The following CNTNAP4 variants were observed in gnomAD, a reference collection of about 807,000 sequenced individuals.
CNTNAP4 encodes the protein contactin-associated protein-like 4.
In CNTNAP4, 98 loss-of-function variants were observed where a neutral mutation model predicts 148.4. That is an observed-to-expected ratio of 0.66 (90% CI 0.56 to 0.78). The LOEUF (loss-of-function observed/expected upper bound fraction) is 0.78, where lower values mean the gene tolerates loss of function less well. Ranked by LOEUF, CNTNAP4 falls within the 30% of genes least tolerant of loss-of-function variation. The probability of loss-of-function intolerance (pLI) is 0.00; values close to 1 mark genes in which losing one functional copy is unlikely to be tolerated. For synonymous variants in CNTNAP4, 730 were observed against 565.1 expected (o/e 1.29, Z -4.14); for missense variants, 1,935 against 1,565.6 (o/e 1.24, Z -3.98).
chr16:76,518,415 A>C (rs934335539), intron 15 of CNTNAP4, among the ~76,000 whole-genome samples: 9 of 152,180 alleles, frequency 5.9e-5, no homozygotes, highest in Non-Finnish European at 1.2e-4. Flanking sequence ...GGCATGAGCC[A>C]CCGTGCCTGG....
chr16:76,375,710 C>T (rs1029987139), intron 3 of CNTNAP4, among the ~76,000 whole-genome samples: 2 of 152,272 alleles, frequency 1.3e-5, no homozygotes, highest in South Asian at 2.1e-4. Flanking sequence ...ATCATGAACA[C>T]ATTGTCTCAT....
intron 17 of CNTNAP4, among the ~76,000 whole-genome samples, chr16:76,528,959 A>G (rs1399959677): frequency 6.6e-6 from 1 of 152,180 alleles, no homozygotes; most frequent in Non-Finnish European, 1.5e-5. Flanking sequence ...ACTAATCTAA[A>G]CTGTAGGATG....
intron 1 of CNTNAP4, among the ~76,000 whole-genome samples, chr16:76,309,248 G>C (rs1375857708): frequency 2.0e-5 from 3 of 152,012 alleles, no homozygotes; most frequent in African/African-American, 7.2e-5. Flanking sequence ...TGGCAGAGCT[G>C]GGGGAAAGCT....
intron 3 of CNTNAP4, among the ~76,000 whole-genome samples, chr16:76,393,480 T>A (rs919429775): frequency 6.6e-6 from 1 of 152,168 alleles, no homozygotes; most frequent in African/African-American, 2.4e-5. Context: ...GCATTTATGA[T>A]GTGTTGCTGA....
intron 6 of CNTNAP4, among the ~76,000 whole-genome samples, chr16:76,449,361 T>G (rs551093477): frequency 6.6e-6 from 1 of 152,288 alleles, no homozygotes; most frequent in East Asian, 1.9e-4. Flanking sequence ...TCATTAGCAA[T>G]GGATTCAAAT....
chr16:76,525,535 G>A (rs969183476), intron 17 of CNTNAP4, among the ~76,000 whole-genome samples: 18 of 146,736 alleles, frequency 1.2e-4, no homozygotes, highest in Admixed American at 1.2e-3. Flanking sequence ...ATATATTTCA[G>A]TGGAAGAGAC....
At chr16:76,517,479 A>T (rs1277917560) in intron 15 of CNTNAP4, among the ~76,000 whole-genome samples, 2 of 152,234 alleles carry the variant, frequency 1.3e-5, no homozygotes, top group African/African-American at 2.4e-5. Context: ...TATGATTATT[A>T]AGCATTCAGA....
At chr16:76,329,400 AT>A (rs1963304155) in intron 2 of CNTNAP4, among the ~76,000 whole-genome samples, 1 of 152,172 alleles carries the variant, frequency 6.6e-6, no homozygotes, top group Non-Finnish European at 1.5e-5. Flanking sequence ...AATACTTTCT[AT>A]TTGTTTATAG....
intron 8 of CNTNAP4, among the ~76,000 whole-genome samples, chr16:76,456,875 C>T (rs1460342256): frequency 6.6e-6 from 1 of 152,102 alleles, no homozygotes; most frequent in Non-Finnish European, 1.5e-5. Context: ...TGGATGTGAC[C>T]TCGGTAGTTT....
intron 8 of CNTNAP4, among the ~76,000 whole-genome samples, chr16:76,461,193 A>G (rs188293880): frequency 4.3e-4 from 66 of 152,292 alleles, no homozygotes; most frequent in Middle Eastern, 3.4e-3. Flanking sequence ...CAGTGAAATC[A>G]CAAACAAACT....
chr16:76,348,675 A>T (rs1413453675), intron 2 of CNTNAP4, among the ~76,000 whole-genome samples: 2 of 152,124 alleles, frequency 1.3e-5, no homozygotes, highest in Non-Finnish European at 2.9e-5. Context: ...TGAACAGGAG[A>T]CTGAAGCCTG....
intron 12 of CNTNAP4, among the ~76,000 whole-genome samples, chr16:76,484,876 C>G (rs770148118): frequency 3.9e-5 from 6 of 152,088 alleles, no homozygotes; most frequent in Non-Finnish European, 7.4e-5. Context: ...AAATATGTGT[C>G]TTATTAAAAA....
intron 19 of CNTNAP4, among the ~76,000 whole-genome samples, chr16:76,539,001 T>C (rs2084336372): frequency 6.6e-6 from 1 of 152,050 alleles, no homozygotes. Flanking sequence ...TTCAACTGAT[T>C]CAAATATATC....
intron 2 of CNTNAP4, among the ~76,000 whole-genome samples, chr16:76,318,541 T>C (rs1012376742): frequency 1.3e-5 from 2 of 151,924 alleles, no homozygotes; most frequent in East Asian, 1.9e-4. Flanking sequence ...GTAAACCTAC[T>C]TGATTACATT....
chr16:76,525,903 C>T (rs901748292), intron 17 of CNTNAP4, among the ~76,000 whole-genome samples: 1 of 148,822 alleles, frequency 6.7e-6, no homozygotes, highest in Non-Finnish European at 1.5e-5. Flanking sequence ...ATAGTTTATA[C>T]ATATATAAAA....
chr16:76,277,564 G>T lies in CNTNAP4; in HGVS notation c.-99G>T, dbSNP rs1243619071. 4.0e-6 allele frequency: 3 copies of T among 759,124 alleles called. No individual in the cohort carries two copies. The highest frequency in any genetic ancestry group is 4.5e-6 in the Non-Finnish European group (2 of 441,404). The allele number at this position is 759,124 out of a possible 1,614,324, so 47.0% of individuals were successfully genotyped here. A position where few individuals can be genotyped will look rare whatever the true frequency, so the allele number is the denominator to read the frequency against. The stretch of plus-strand genomic sequence containing the variant: ...GGGGGAGAGACAGAGACCTAGAGGG[G>T]CTGAAGACCCAGACAGAGCTGGCAG... On this transcript the variant is annotated 5_prime_UTR_variant, in exon 1 of 24. Coordinates refer to ENST00000611870, the MANE Select transcript of CNTNAP4 (RefSeq NM_033401.5).
In CNTNAP4 at chr16:76,494,639, C is replaced by A. The variant is rs543207059; in HGVS notation, c.2081-271C>A. Among the ~76,000 whole-genome samples the A allele has an allele frequency of 5.9e-5, 9 of 152,234 alleles. No individual in the cohort carries two copies. The East Asian group carries it at 1.7e-3, about 29-fold the overall frequency. On this transcript the variant is annotated intron_variant, in intron 13 of 23. Coordinates refer to ENST00000611870, the MANE Select transcript of CNTNAP4 (RefSeq NM_033401.5). ...CTGCTCTCAATTCATTTTTTACTAT[C>A]ATGCCTAAATTAAATAGGAACTGCT...
At chr16:76,498,443 C>G in intron 14 of CNTNAP4, 124 bp from the exon 15 acceptor site, 1 of 623,370 alleles carries the variant, frequency 1.6e-6, no homozygotes, top group Non-Finnish European at 2.7e-6. Flanking sequence ...TTTATGTGCT[C>G]CGATGAGTGA....
intron 16 of CNTNAP4, 91 bp from the exon 17 acceptor site, chr16:76,521,948 G>T (rs2083469541): frequency 1.8e-6 from 2 of 1,138,612 alleles, no homozygotes; most frequent in Middle Eastern, 2.0e-4. Context: ...TTCAGCGATT[G>T]TTACGCTGTA....
Sources: allele counts gnomAD v4.1 joint callset (sites outside exome capture counted in the v4.1 genomes callset), GRCh38; gene constraint gnomAD v4.1.1; transcripts MANE v1.5; gene names NCBI Gene and HGNC (gene_info 2026-07-23, HGNC 2026-07-21).